The following CPM variants were observed in gnomAD, a reference collection of about 807,000 sequenced individuals.
The protein encoded by CPM is carboxypeptidase M, also known as renal carboxypeptidase.
A neutral mutation model predicts 46.4 loss-of-function variants in CPM; 35 were observed. The ratio of observed to expected loss-of-function variants is 0.75; its 90% CI spans 0.58 to 1.00. The LOEUF (loss-of-function observed/expected upper bound fraction) is 1.00. Among genes scored for constraint, CPM ranks in the 50% least tolerant of loss-of-function variants. The probability of loss-of-function intolerance (pLI) is 0.00; values close to 1 mark genes in which losing one functional copy is unlikely to be tolerated. For missense variants in CPM, 422 were observed against 530.4 expected (o/e 0.80, Z 2.01); for synonymous variants, 195 against 195.3 (o/e 1.00, Z 0.01).
In CPM at chr12:68,938,830, CTA is replaced by C. The variant is rs560235874; in HGVS notation, c.-3-5992_-3-5991del. ...TATACACACACACACACACGTATAT[CTA>C]TATGTGTACATATATATCTATATGT... On this transcript the variant is annotated intron_variant, in intron 1 of 8. Coordinates refer to the CPM transcript ENST00000546373. Among the ~76,000 whole-genome samples the C allele has an allele frequency of 1.0e-4, 15 of 150,028 alleles. No homozygotes were observed. The South Asian group carries it at 1.9e-3, about 19-fold the overall frequency.
chr12:68,936,738 G>C (rs1888680355), upstream of CPM, among the ~76,000 whole-genome samples: 1 of 152,106 alleles, frequency 6.6e-6, no homozygotes, highest in Admixed American at 6.5e-5. Context: ...ATAATAAAAA[G>C]GCTAATAATT....
rs569644799 is a variant in CPM, at chr12:68,931,509, C to T, written c.160+1169G>A. ...CCTGTAATCCTAGCACTTTGGGAGGCCGAAGCAGGAGGATCACAAGGTCAG... is the reference window on the plus strand; with the variant it reads ...CCTGTAATCCTAGCACTTTGGGAGGTCGAAGCAGGAGGATCACAAGGTCAG... On this transcript the variant is annotated intron_variant, in intron 2 of 8. Transcript: ENST00000551568. Among the ~76,000 whole-genome samples the T allele has an allele frequency of 1.1e-4, 16 of 151,930 alleles. No individual in the cohort carries two copies. The South Asian group carries it at 3.1e-3, about 30-fold the overall frequency.
chr12:68,880,316 A>G (rs1886134639), intron 3 of CPM, among the ~76,000 whole-genome samples: 1 of 152,170 alleles, frequency 6.6e-6, no homozygotes, highest in African/African-American at 2.4e-5. Flanking sequence ...AAAATGAATA[A>G]ACATCGGTGA....
intron 1 of CPM, among the ~76,000 whole-genome samples, chr12:68,943,913 C>G (rs193148359): frequency 2.6e-5 from 4 of 151,662 alleles, no homozygotes; most frequent in Non-Finnish European, 5.9e-5. Context: ...AATCTGCCAT[C>G]TTTGTTAATA....
intron 3 of CPM, among the ~76,000 whole-genome samples, chr12:68,874,598 G>A (rs891117644): frequency 6.6e-6 from 1 of 152,014 alleles, no homozygotes; most frequent in African/African-American, 2.4e-5. Flanking sequence ...GACAGAGTGA[G>A]ACACACCATC....
At chr12:68,917,593 G>T (rs907169168) in intron 2 of CPM, among the ~76,000 whole-genome samples, 9 of 152,208 alleles carry the variant, frequency 5.9e-5, no homozygotes, top group Non-Finnish European at 1.2e-4. Context: ...GGGAACACCT[G>T]CAGTCACAGC....
At chr12:68,881,130 T>A (rs1056327048) in intron 3 of CPM, among the ~76,000 whole-genome samples, 2 of 152,204 alleles carry the variant, frequency 1.3e-5, no homozygotes, top group African/African-American at 4.8e-5. Flanking sequence ...GCCAGGTGAA[T>A]TAGCCTGAAC....
At chr12:68,874,816 G>A (rs1292259390) in intron 3 of CPM, among the ~76,000 whole-genome samples, 1 of 152,260 alleles carries the variant, frequency 6.6e-6, no homozygotes, top group East Asian at 1.9e-4. Context: ...CAAGAACAGA[G>A]AGGAAGTGAT....
intron 2 of CPM, among the ~76,000 whole-genome samples, chr12:68,891,801 ATCGCGGCTC>A (rs1415064983): frequency 6.6e-6 from 1 of 151,970 alleles, no homozygotes; most frequent in Non-Finnish European, 1.5e-5. Flanking sequence ...CATTAGAGTA[ATCGCGGCTC>A]ACTGCAGCCT....
chr12:68,927,532 G>T (rs1409624050), intron 2 of CPM, among the ~76,000 whole-genome samples: 1 of 151,986 alleles, frequency 6.6e-6, no homozygotes, highest in Admixed American at 6.6e-5. Context: ...CACTCTGATG[G>T]TAGTTTCTTT....
rs552064758 is a variant in CPM at position 68,895,946 on chromosome 12, A to G, written c.161-10057T>C. Among the ~76,000 whole-genome samples the G allele has an allele frequency of 2.0e-5, 3 of 152,306 alleles. No homozygotes were observed. In the East Asian group the frequency reaches 5.8e-4, roughly 29 times the overall value. On this transcript the variant is annotated intron_variant, in intron 2 of 8. Transcript: ENST00000551568. ...ATTGATCATATGTGAACTGGATCCC[A>G]TGGCTCTAACTGCTTTTCCTTCAAT...
At position 68,877,517 on chromosome 12, in the gene CPM, A is replaced by G. The variant is rs563792191; in HGVS notation, c.259-5561T>C. Among the ~76,000 whole-genome samples, 21 of 152,338 alleles carry G rather than the reference A, an allele frequency of 1.4e-4. No individual in the cohort carries two copies. In the South Asian group the frequency reaches 4.4e-3, roughly 32 times the overall value. ...AATACCGAACACATTTTATAGAGGC[A>G]CAGGCTAACAATTACGCTCATGACA... On this transcript the variant is annotated intron_variant, in intron 3 of 8. Transcript: ENST00000551568.
chr12:68,905,211 A>G (rs1156681822), intron 2 of CPM, among the ~76,000 whole-genome samples: 1 of 151,470 alleles, frequency 6.6e-6, no homozygotes, highest in Non-Finnish European at 1.5e-5. Context: ...TACCCGGCCA[A>G]AATATAGAAA....
chr12:68,960,867 T>G (rs1023849533), intron 1 of CPM, among the ~76,000 whole-genome samples: 1 of 152,224 alleles, frequency 6.6e-6, no homozygotes. Context: ...TACTTTGTCC[T>G]ATCTGCAGAA....
At chr12:68,898,042 T>C (rs907659050) in intron 2 of CPM, among the ~76,000 whole-genome samples, 2 of 147,236 alleles carry the variant, frequency 1.4e-5, no homozygotes, top group African/African-American at 5.1e-5. Context: ...TTTGTAGAGA[T>C]GGGGTTTTGC....
Position 68,932,827 on chromosome 12 carries a change from G to A in CPM, c.11C>T (p.Pro4Leu), listed in dbSNP as rs1285971854. The A allele has an allele frequency of 6.8e-6, 11 of 1,613,940 alleles. No individual in the cohort carries two copies. The highest frequency in any genetic ancestry group is 8.5e-6 in the Non-Finnish European group (10 of 1,179,994). MDF[P>L]CLWLGLLLPL... ...CAGCAACAGCCCTAGCCAGAGGCAC[G>A]GGAAGTCCATGTTCTAGAGATGAAT... Residue 4 changes from proline to leucine, a missense_variant, in exon 2 of 9, where the codon CCG becomes CTG. Pro to Leu is a moderately conservative substitution (Grantham distance 98). Transcript: ENST00000551568.
intron 4 of CPM, 135 bp downstream of exon 4, chr12:68,871,649 G>GTA: frequency 2.1e-6 from 2 of 949,366 alleles, no homozygotes; most frequent in Middle Eastern, 4.8e-4. Context: ...CTTGAGCTTT[G>GTA]GCACATCAGC....
intron 2 of CPM, among the ~76,000 whole-genome samples, chr12:68,923,668 T>A (rs1230275486): frequency 1.3e-5 from 2 of 152,204 alleles, no homozygotes; most frequent in African/African-American, 4.8e-5. Context: ...GCAATTTACA[T>A]AAGATATGGT....
At chr12:68,858,511 A>G (rs1334123110) in intron 8 of CPM, among the ~76,000 whole-genome samples, 2 of 152,236 alleles carry the variant, frequency 1.3e-5, no homozygotes, top group Non-Finnish European at 1.5e-5. Context: ...TTATAAAATG[A>G]ATTCTAAGGA....
Sources: allele counts gnomAD v4.1 joint callset (sites outside exome capture counted in the v4.1 genomes callset), GRCh38; gene constraint gnomAD v4.1.1; transcripts MANE v1.5; gene names NCBI Gene and HGNC (gene_info 2026-07-23, HGNC 2026-07-21).